Variants in C19orf81 observed in about 807,000 individuals in gnomAD.
C19orf81 encodes the protein chromosome 19 open reading frame 81.
C19orf81 carries 19 observed loss-of-function variants against 22.1 expected under a neutral mutation model. That is an observed-to-expected ratio of 0.86 (90% CI 0.60 to 1.26). C19orf81 has a LOEUF of 1.26. Among genes scored for constraint, C19orf81 ranks in the 50% most tolerant of loss-of-function variants. The pLI, the probability that C19orf81 is intolerant of heterozygous loss-of-function variation, is 0.00. For missense variants in C19orf81, 287 were observed against 280.7 expected, an observed-to-expected ratio of 1.02 and a Z score of -0.16; for synonymous variants, 108 against 113.1, an observed-to-expected ratio of 0.95 and a Z score of 0.29.
chr19:50,655,990 TAA>T (rs1984985589), intron 1 of C19orf81, 58 bp from the exon 2 acceptor site: 5 of 1,489,818 alleles, frequency 3.4e-6, no homozygotes, highest in Non-Finnish European at 4.5e-6. Flanking sequence ...GATGGCCATT[TAA>T]GCAGAATCAT....
chr19:50,652,470 G>A (rs565443473), intron 1 of C19orf81, among the ~76,000 whole-genome samples: 1 of 152,222 alleles, frequency 6.6e-6, no homozygotes, highest in African/African-American at 2.4e-5. Context: ...AATGGCATCA[G>A]TGGACCCTCA....
Position 50,656,306 on chromosome 19 carries a change from CA to C in C19orf81, c.222del (p.Pro75GlnfsTer40). ...ELPCIRKFPT[P>X]PASQPLCLCM... ...CCGTGCATCCGGAAGTTCCCCACACCACCAGCTTCCCAGCCCCTCTGCCTCT... is the reference window on the plus strand; with the variant it reads ...CCGTGCATCCGGAAGTTCCCCACACCCCAGCTTCCCAGCCCCTCTGCCTCT... On this transcript the variant is annotated frameshift_variant, in exon 3 of 5. Transcript: ENST00000425202. LOFTEE classifies it high-confidence loss of function. The C allele has an allele frequency of 1.3e-6, 2 of 1,536,232 alleles. No individual in the cohort carries two copies. The highest frequency in any genetic ancestry group is 1.7e-6 in the Non-Finnish European group (2 of 1,146,928).
At chr19:50,655,981 A>C in intron 1 of C19orf81, 69 bp from the exon 2 acceptor site, 2 of 1,421,626 alleles carry the variant, frequency 1.4e-6, no homozygotes, top group Non-Finnish European at 1.9e-6. Context: ...GCAATTGGTG[A>C]TGGCCATTTA....
At chr19:50,655,417 G>A (rs527909073) in intron 1 of C19orf81, among the ~76,000 whole-genome samples, 1 of 152,184 alleles carries the variant, frequency 6.6e-6, no homozygotes, top group Non-Finnish European at 1.5e-5. Context: ...TTGGGAGGAC[G>A]AGGCAGGAGG....
chr19:50,656,965 G>GAAGA (rs201592380), intron 3 of C19orf81, among the ~76,000 whole-genome samples: 2 of 136,814 alleles, frequency 1.5e-5, no homozygotes, highest in South Asian at 2.4e-4. Flanking sequence ...AAAAAGGAAG[G>GAAGA]AAGAAAGAAA....
intron 1 of C19orf81, among the ~76,000 whole-genome samples, chr19:50,650,110 A>G (rs931855706): frequency 1.3e-5 from 2 of 152,098 alleles, no homozygotes; most frequent in African/African-American, 4.8e-5. Context: ...ATGGCTCCAG[A>G]GAGGTCTCTC....
intron 1 of C19orf81, among the ~76,000 whole-genome samples, chr19:50,650,008 G>A (rs951745544): frequency 1.3e-5 from 2 of 151,660 alleles, no homozygotes; most frequent in African/African-American, 4.9e-5. Flanking sequence ...CTCTGTCCCC[G>A]CAGCCCTGTC....
chr19:50,658,719 A>G, intron 4 of C19orf81: 1 of 413,760 alleles, frequency 2.4e-6, no homozygotes, highest in Non-Finnish European at 4.2e-6. Flanking sequence ...TTTGAGATGG[A>G]GCCTCGACAG....
In C19orf81 at chr19:50,659,066, G is replaced by T. The variant is rs760965435; in HGVS notation, c.521G>T (p.Arg174Leu). Residue 174 changes from arginine (R) to leucine (L), a missense_variant, in exon 5 of 5, where the codon CGC becomes CTC. Physicochemically the swap from Arg to Leu is moderately radical, Grantham distance 102. Coordinates refer to ENST00000425202, the MANE Select transcript of C19orf81 (RefSeq NM_001195076.2). ...RHDDLLLGDYRLHLRRSLVRR... is the reference protein window; with the variant it reads ...RHDDLLLGDYLLHLRRSLVRR... ...GACGACCTCCTGCTGGGCGACTACCGCCTGCACCTGCGCCGCTCCCTGGTC... is the reference window on the plus strand; with the variant it reads ...GACGACCTCCTGCTGGGCGACTACCTCCTGCACCTGCGCCGCTCCCTGGTC... 56 of 1,527,046 alleles carry T rather than the reference G, an allele frequency of 3.7e-5. 1 individual carries two copies. The South Asian group carries it at 6.0e-4, about 16-fold the overall frequency. 94.6% of individuals were successfully genotyped at this position (1,527,046 alleles called of 1,614,324 possible).
At chr19:50,653,278 A>G (rs1485738173) in intron 1 of C19orf81, among the ~76,000 whole-genome samples, 4 of 152,070 alleles carry the variant, frequency 2.6e-5, no homozygotes, top group East Asian at 1.9e-4. Context: ...AGCTCAGTCA[A>G]TCTGCCCACT....
chr19:50,654,122 C>G (rs547058837), intron 1 of C19orf81, among the ~76,000 whole-genome samples: 1 of 152,042 alleles, frequency 6.6e-6, no homozygotes, highest in East Asian at 1.9e-4. Flanking sequence ...TTATGTTCGG[C>G]AGGAGAGCAC....
At chr19:50,651,571 G>C (rs934351404) in intron 1 of C19orf81, among the ~76,000 whole-genome samples, 2 of 152,028 alleles carry the variant, frequency 1.3e-5, no homozygotes, top group East Asian at 3.9e-4. Context: ...TGAGATGCCT[G>C]TTAAAAAAAT....
At chr19:50,655,541 C>T (rs559111343) in intron 1 of C19orf81, among the ~76,000 whole-genome samples, 28 of 151,790 alleles carry the variant, frequency 1.8e-4, no homozygotes, top group African/African-American at 6.0e-4. Context: ...CTCAGCTACT[C>T]GGGAGGCTGA....
Position 50,657,970 on chromosome 19 carries a change from C to G in C19orf81, c.262-19C>G, listed in dbSNP as rs1377871195. 4.6e-6 allele frequency: 7 copies of G among 1,515,698 alleles called. No individual in the cohort carries two copies. Among genetic ancestry groups the G allele is most frequent in the Non-Finnish European group, 6.2e-6 (7 of 1,136,092 alleles). 93.9% of individuals were successfully genotyped at this position (1,515,698 alleles called of 1,614,324 possible). A position where few individuals can be genotyped will look rare whatever the true frequency, so the allele number is the denominator to read the frequency against. On this transcript the variant is annotated intron_variant, in intron 3 of 4. Transcript: ENST00000425202. ...AACCAGGAGGCCACGGGCTGAGGTT[C>G]TCTCTCCGACACCCGCAGCCCGAGG...
At chr19:50,657,516 C>T (rs745349481) in intron 3 of C19orf81, among the ~76,000 whole-genome samples, 1 of 152,156 alleles carries the variant, frequency 6.6e-6, no homozygotes, top group Non-Finnish European at 1.5e-5. Flanking sequence ...AATAGATTGA[C>T]AAGACATCAA....
At chr19:50,658,317 G>A (rs1985047419) in intron 4 of C19orf81, among the ~76,000 whole-genome samples, 189 bp downstream of exon 4, 1 of 149,636 alleles carries the variant, frequency 6.7e-6, no homozygotes, top group African/African-American at 2.5e-5. Context: ...GGGCCCCGGA[G>A]CCACTAGATA....
intron 1 of C19orf81, among the ~76,000 whole-genome samples, chr19:50,654,539 TGC>T (rs1984950084): frequency 6.6e-6 from 1 of 152,010 alleles, no homozygotes; most frequent in African/African-American, 2.4e-5. Context: ...CCTCGTGATC[TGC>T]CCGCTTCAGC....
Position 50,656,265 on chromosome 19 carries a change from A to G in C19orf81, c.180A>G (p.Ala60=). The G allele has an allele frequency of 6.5e-7, 1 of 1,536,146 alleles. No individual in the cohort carries two copies. The highest frequency in any genetic ancestry group is 8.7e-7 in the Non-Finnish European group (1 of 1,146,916). Reference sequence around the variant, plus strand: ...GGCAGGTCATTGCAGAGTACGAGGCACTGGACCGAGAACTCCCGTGCATCC... The same window carrying G: ...GGCAGGTCATTGCAGAGTACGAGGCGCTGGACCGAGAACTCCCGTGCATCC... ...YLRQVIAEYE[A]LDRELPCIRK... Residue 60 remains alanine (A), a synonymous_variant, in exon 3 of 5, where the codon GCA becomes GCG. Coordinates refer to ENST00000425202, the MANE Select transcript of C19orf81 (RefSeq NM_001195076.2).
intron 1 of C19orf81, 88 bp from the exon 2 acceptor site, chr19:50,655,962 C>A: frequency 7.9e-7 from 1 of 1,267,020 alleles, no homozygotes; most frequent in Non-Finnish European, 1.1e-6. Flanking sequence ...CTGGGTGTGG[C>A]ATGGGCAAGC....
Sources: gnomAD v4.1 joint callset for allele counts (sites outside exome capture counted in the v4.1 genomes callset) on GRCh38, gnomAD v4.1.1 for gene constraint, MANE v1.5 for transcripts, NCBI Gene and HGNC (gene_info 2026-07-23, HGNC 2026-07-21) for gene names.